SAMMSON: variants seen among roughly 807,000 people sequenced by gnomAD.
SAMMSON encodes the protein survival associated mitochondrial melanoma specific oncogenic non-coding RNA, also known as long intergenic non-protein coding RNA 1212.
intron 4 of SAMMSON, among the ~76,000 whole-genome samples, chr3:70,115,130 T>G (rs1171895713): frequency 6.6e-6 from 1 of 150,520 alleles, no homozygotes; most frequent in Non-Finnish European, 1.5e-5. Context: ...ATTAAGTGCC[T>G]GGTCTGAAAA....
chr3:70,298,133 T>C (rs935280345), intron 7 of SAMMSON, among the ~76,000 whole-genome samples: 1 of 152,124 alleles, frequency 6.6e-6, no homozygotes, highest in Non-Finnish European at 1.5e-5. Flanking sequence ...ATAAGGATAT[T>C]TGAAAATTAA....
intron 4 of SAMMSON, among the ~76,000 whole-genome samples, chr3:70,237,977 A>ATTTTTTTTTTTTT (rs1251005797): frequency 1.3e-3 from 17 of 12,992 alleles, no homozygotes; most frequent in African/African-American, 5.9e-3. Flanking sequence ...ATTGAGTGGT[A>ATTTTTTTTTTTTT]TCTTTTTTTT....
chr3:70,306,204 A>G (rs912573858), intron 7 of SAMMSON, among the ~76,000 whole-genome samples: 2 of 152,066 alleles, frequency 1.3e-5, no homozygotes, highest in Admixed American at 1.3e-4. Context: ...CCTAGTTTCA[A>G]GTGATTCTCC....
At chr3:70,064,181 C>T (rs190378237) in intron 3 of SAMMSON, among the ~76,000 whole-genome samples, 1 of 152,176 alleles carries the variant, frequency 6.6e-6, no homozygotes, top group African/African-American at 2.4e-5. Flanking sequence ...GAATGAAGCA[C>T]AAAGCTGTAT....
chr3:70,401,674 T>A (rs557898125), intron 2 of SAMMSON, among the ~76,000 whole-genome samples: 2 of 152,280 alleles, frequency 1.3e-5, no homozygotes, highest in South Asian at 2.1e-4. Flanking sequence ...GAAAGTGTGG[T>A]TAAGATTTAG....
chr3:70,278,692 A>G (rs1702051790), intron 6 of SAMMSON, among the ~76,000 whole-genome samples: 1 of 152,178 alleles, frequency 6.6e-6, no homozygotes, highest in African/African-American at 2.4e-5. Context: ...ATGCTAGGGC[A>G]TATCCAACCT....
At chr3:70,339,257 T>G (rs1168152332) in intron 7 of SAMMSON, among the ~76,000 whole-genome samples, 1 of 152,152 alleles carries the variant, frequency 6.6e-6, no homozygotes. Context: ...TAATTCAAGA[T>G]GGATTAAAGA....
chr3:70,096,412 C>T (rs1052968777), intron 4 of SAMMSON, among the ~76,000 whole-genome samples: 2 of 152,056 alleles, frequency 1.3e-5, no homozygotes, highest in African/African-American at 4.8e-5. Flanking sequence ...GGTGCGGTGG[C>T]GCATACCTGT....
At chr3:70,192,498 G>T (rs1478045795) in intron 4 of SAMMSON, among the ~76,000 whole-genome samples, 1 of 152,144 alleles carries the variant, frequency 6.6e-6, no homozygotes, top group Non-Finnish European at 1.5e-5. Flanking sequence ...CCCCAAACCT[G>T]TCTTAAATTA....
At chr3:70,265,015 C>G (rs1257619844) in intron 6 of SAMMSON, among the ~76,000 whole-genome samples, 2 of 152,128 alleles carry the variant, frequency 1.3e-5, no homozygotes, top group Non-Finnish European at 2.9e-5. Context: ...CAGGGGAACT[C>G]CCCTTTATAA....
At chr3:70,188,438 A>G (rs965364597) in intron 4 of SAMMSON, among the ~76,000 whole-genome samples, 1 of 152,230 alleles carries the variant, frequency 6.6e-6, no homozygotes, top group African/African-American at 2.4e-5. Context: ...GTATTATGCT[A>G]ATCTTGGGAG....
At chr3:70,425,550 T>C (rs899977448) in intron 2 of SAMMSON, among the ~76,000 whole-genome samples, 4 of 151,328 alleles carry the variant, frequency 2.6e-5, no homozygotes, top group Admixed American at 1.3e-4. Context: ...TAGCTGGGAC[T>C]ACAGGTGCCC....
At chr3:70,364,900 G>A (rs1702908039) in intron 9 of SAMMSON, among the ~76,000 whole-genome samples, 1 of 151,202 alleles carries the variant, frequency 6.6e-6, no homozygotes, top group African/African-American at 2.4e-5. Context: ...CTAATTTCAT[G>A]TTCGTTTCTA....
chr3:70,217,270 A>G (rs767707312), intron 4 of SAMMSON, among the ~76,000 whole-genome samples: 1 of 152,160 alleles, frequency 6.6e-6, no homozygotes, highest in Non-Finnish European at 1.5e-5. Flanking sequence ...CCCATTCAGT[A>G]CAAACGTAGA....
chr3:70,272,306 C>T (rs895446723), intron 6 of SAMMSON: 5 of 152,344 alleles, frequency 3.3e-5, no homozygotes, highest in African/African-American at 9.6e-5. Flanking sequence ...CCAGCCAGCC[C>T]CCAGGCAATC....
chr3:70,169,963 G>A (rs1295819229), intron 4 of SAMMSON, among the ~76,000 whole-genome samples: 3 of 151,850 alleles, frequency 2.0e-5, no homozygotes, highest in African/African-American at 4.8e-5. Flanking sequence ...CAGAAAGGAG[G>A]GGGACACTGG....
At chr3:70,245,800 G>A (rs1701702552) in intron 4 of SAMMSON, among the ~76,000 whole-genome samples, 1 of 147,876 alleles carries the variant, frequency 6.8e-6, no homozygotes, top group African/African-American at 2.5e-5. Flanking sequence ...AATTTAAAAT[G>A]TGCTCTTCCT....
intron 1 of SAMMSON, among the ~76,000 whole-genome samples, chr3:70,011,568 T>G (rs2066955919): frequency 6.6e-6 from 1 of 151,952 alleles, no homozygotes; most frequent in Admixed American, 6.6e-5. Context: ...GTGAAGAGAC[T>G]CCATAATTGT....
chr3:70,145,488 A>T (rs1441852471), intron 4 of SAMMSON, among the ~76,000 whole-genome samples: 1 of 152,136 alleles, frequency 6.6e-6, no homozygotes, highest in Non-Finnish European at 1.5e-5. Flanking sequence ...AATAGTTGAA[A>T]TCATTAAAAA....
Sources: gnomAD v4.1 joint callset for allele counts (sites outside exome capture counted in the v4.1 genomes callset) on GRCh38, gnomAD v4.1.1 for gene constraint, MANE v1.5 for transcripts, NCBI Gene and HGNC (gene_info 2026-07-23, HGNC 2026-07-21) for gene names.